SPOCK1: variants seen among roughly 807,000 people sequenced by gnomAD.
SPOCK1 encodes the protein testican-1.
Under a neutral mutation model 55.3 loss-of-function variants are expected in SPOCK1, and 23 were observed. That is an observed-to-expected ratio of 0.42 (90% CI 0.30 to 0.59). The LOEUF is 0.59. SPOCK1 is among the 20% of genes least tolerant of loss of function. The pLI is 0.22. For synonymous variants in SPOCK1, 226 were observed against 221.0 expected (o/e 1.02, Z -0.20); for missense variants, 499 against 552.5 (o/e 0.90, Z 0.97).
At chr5:136,989,602 C>A (rs1750909913) in intron 7 of SPOCK1, among the ~76,000 whole-genome samples, 1 of 152,086 alleles carries the variant, frequency 6.6e-6, no homozygotes, top group South Asian at 2.1e-4. Flanking sequence ...TATATCATTC[C>A]CACTGTACAG....
At chr5:137,108,028 T>C (rs1753399476) in intron 5 of SPOCK1, among the ~76,000 whole-genome samples, 1 of 152,214 alleles carries the variant, frequency 6.6e-6, no homozygotes, top group African/African-American at 2.4e-5. Flanking sequence ...CATCTGTCCT[T>C]TGTTTCCTGA....
At chr5:137,330,230 C>T (rs1350470396) in intron 2 of SPOCK1, among the ~76,000 whole-genome samples, 2 of 152,214 alleles carry the variant, frequency 1.3e-5, no homozygotes, top group Non-Finnish European at 2.9e-5. Flanking sequence ...AGAGACCCCC[C>T]AGACACTGTG....
intron 2 of SPOCK1, among the ~76,000 whole-genome samples, chr5:137,271,855 G>A (rs62374160): frequency 0.12 from 17,526 of 152,150 alleles, 1,294 homozygotes; most frequent in East Asian, 0.24. Context: ...GAAACCGATC[G>A]TTTCTCCTTC....
intron 7 of SPOCK1, among the ~76,000 whole-genome samples, chr5:136,989,307 C>T (rs1750902886): frequency 6.6e-6 from 1 of 152,108 alleles, no homozygotes; most frequent in Non-Finnish European, 1.5e-5. Context: ...TATTTGTTTC[C>T]ACAATGGAAA....
chr5:137,131,123 G>C (rs1026503984), intron 4 of SPOCK1, among the ~76,000 whole-genome samples: 1 of 152,178 alleles, frequency 6.6e-6, no homozygotes, highest in Admixed American at 6.5e-5. Context: ...TGTCTTTCAC[G>C]GTTCATTGGT....
At chr5:137,007,964 A>G (rs1177536752) in intron 6 of SPOCK1, among the ~76,000 whole-genome samples, 1 of 152,124 alleles carries the variant, frequency 6.6e-6, no homozygotes, top group Non-Finnish European at 1.5e-5. Context: ...AGCCATAAAA[A>G]AAGGATGAGT....
At chr5:137,166,016 G>A (rs1754642240) in intron 3 of SPOCK1, among the ~76,000 whole-genome samples, 1 of 152,118 alleles carries the variant, frequency 6.6e-6, no homozygotes, top group South Asian at 2.1e-4. Context: ...GATAATAACA[G>A]AGAACTTCCC....
chr5:137,264,983 T>C (rs1460076278), intron 3 of SPOCK1, among the ~76,000 whole-genome samples: 2 of 152,138 alleles, frequency 1.3e-5, no homozygotes, highest in Admixed American at 1.3e-4. Flanking sequence ...GTCATAAGGT[T>C]TTCTGGGAGG....
intron 6 of SPOCK1, among the ~76,000 whole-genome samples, chr5:137,039,283 TTTTTTTTTTTTTTTTG>T (rs1751945314): frequency 2.7e-5 from 3 of 112,476 alleles, no homozygotes; most frequent in African/African-American, 5.0e-5. Flanking sequence ...TTTTTTTTTT[TTTTTTTTTTTTTTTTG>T]TTGTTGCAAC....
intron 2 of SPOCK1, among the ~76,000 whole-genome samples, chr5:137,294,121 A>T (rs1021051650): frequency 2.0e-5 from 3 of 152,176 alleles, no homozygotes; most frequent in Non-Finnish European, 4.4e-5. Context: ...TTGAGCATTT[A>T]ATCTTATTTA....
chr5:137,487,521 G>C (rs1361990382), intron 2 of SPOCK1, among the ~76,000 whole-genome samples: 1 of 152,072 alleles, frequency 6.6e-6, no homozygotes, highest in Non-Finnish European at 1.5e-5. Flanking sequence ...TTCCTTGTTT[G>C]TTCCATACCC....
At chr5:137,422,373 A>C (rs1443904648) in intron 2 of SPOCK1, among the ~76,000 whole-genome samples, 2 of 152,350 alleles carry the variant, frequency 1.3e-5, no homozygotes, top group East Asian at 3.9e-4. Flanking sequence ...AATACCCTGC[A>C]GAGTGTTTTC....
chr5:137,139,800 T>A (rs1309219770), intron 4 of SPOCK1, among the ~76,000 whole-genome samples: 1 of 152,132 alleles, frequency 6.6e-6, no homozygotes, highest in African/African-American at 2.4e-5. Flanking sequence ...GACTCCCTTC[T>A]TAAAGAAAGC....
At chr5:137,377,938 C>G (rs918614981) in intron 2 of SPOCK1, among the ~76,000 whole-genome samples, 50 of 127,378 alleles carry the variant, frequency 3.9e-4, no homozygotes, top group African/African-American at 1.4e-3. Flanking sequence ...ACAATCACTT[C>G]TTCCTTTTTT....
chr5:137,384,587 T>TATATATATATA (rs1491337279), intron 2 of SPOCK1, among the ~76,000 whole-genome samples: 3 of 70,830 alleles, frequency 4.2e-5, no homozygotes, highest in African/African-American at 8.9e-5. Flanking sequence ...TATGTATGTA[T>TATATATATATA]TTTTTTTTCC....
chr5:137,065,743 G>A (rs778189160), intron 6 of SPOCK1, among the ~76,000 whole-genome samples: 38 of 152,110 alleles, frequency 2.5e-4, no homozygotes, highest in Non-Finnish European at 5.4e-4. Context: ...CTGTGCTTTT[G>A]TAAACATTTT....
intron 2 of SPOCK1, among the ~76,000 whole-genome samples, chr5:137,330,489 T>C (rs185842482): frequency 9.9e-5 from 15 of 152,206 alleles, no homozygotes; most frequent in African/African-American, 3.1e-4. Context: ...ACCAGATGCA[T>C]TGTAAAAATT....
intron 5 of SPOCK1, among the ~76,000 whole-genome samples, chr5:137,073,640 G>A (rs1427997939): frequency 6.6e-6 from 1 of 151,872 alleles, no homozygotes; most frequent in Non-Finnish European, 1.5e-5. Flanking sequence ...ACTTCTTGAA[G>A]ACCAAGCTGT....
chr5:137,287,174 C>T (rs1318241003), intron 2 of SPOCK1, among the ~76,000 whole-genome samples: 1 of 152,210 alleles, frequency 6.6e-6, no homozygotes, highest in Non-Finnish European at 1.5e-5. Context: ...TGGGGACATA[C>T]AAGTCCCCAC....
Sources: gnomAD v4.1 joint callset for allele counts (sites outside exome capture counted in the v4.1 genomes callset) on GRCh38, gnomAD v4.1.1 for gene constraint, MANE v1.5 for transcripts, NCBI Gene and HGNC (gene_info 2026-07-23, HGNC 2026-07-21) for gene names.